Variants in NFYA observed in about 807,000 individuals in gnomAD.
NFYA encodes the protein nuclear transcription factor Y subunit alpha, also known as CAAT-box DNA binding protein subunit A.
Under a neutral mutation model 52.8 loss-of-function variants are expected in NFYA, and 28 were observed. The observed-to-expected ratio is 0.53, with a 90% CI of 0.39 to 0.73. The LOEUF is 0.73. Among genes scored for constraint, NFYA ranks in the 30% least tolerant of loss-of-function variants. The pLI is 0.00. For synonymous variants in NFYA, 150 were observed against 150.7 expected, an observed-to-expected ratio of 1.00 and a Z score of 0.03; for missense variants, 234 against 427.0, an observed-to-expected ratio of 0.55 and a Z score of 3.98.
intron 1 of NFYA, 125 bp from the exon 2 acceptor site, chr6:41,078,904 C>A (rs941492152): frequency 7.5e-6 from 4 of 530,550 alleles, no homozygotes; most frequent in African/African-American, 7.5e-5. Flanking sequence ...TGAATATAAG[C>A]ATTTCCTATT....
rs1764429743 is a variant in NFYA, at chr6:41,098,908, T to C, written c.*1498T>C. ...AACTAAGATGATATTTCAGAAGAGT[T>C]GGCTGCCTTCTCTGGAAACAAGGAA... On this transcript the variant is annotated 3_prime_UTR_variant, in exon 10 of 10. Coordinates refer to ENST00000341376, the MANE Select transcript of NFYA (RefSeq NM_002505.5). 1 of 152,584 alleles carries C rather than the reference T, an allele frequency of 6.6e-6. No homozygotes were observed. Among genetic ancestry groups the C allele is most frequent in the African/African-American group, 2.4e-5 (1 of 41,448 alleles). The allele number at this position is 152,584 out of a possible 1,614,324, so 9.5% of individuals were successfully genotyped here.
intron 2 of NFYA, among the ~76,000 whole-genome samples, chr6:41,080,081 C>T (rs559773595): frequency 1.3e-5 from 2 of 152,232 alleles, no homozygotes; most frequent in South Asian, 2.1e-4. Flanking sequence ...CAGAATTTGC[C>T]ATTAGTGGAT....
Position 41,080,919 on chromosome 6 carries a change from T to G in NFYA, c.162+22T>G. On this transcript the variant is annotated intron_variant, in intron 3 of 9. Transcript: ENST00000341376. ...GGTAGTGGTACCCTCTCTGATTCTC[T>G]GTGAGCACTGCATGAACTTCTCCTC... 1 of 1,585,340 alleles carries G rather than the reference T, an allele frequency of 6.3e-7. No homozygotes were observed. Among genetic ancestry groups the G allele is most frequent in the Non-Finnish European group, 8.7e-7 (1 of 1,154,050 alleles).
chr6:41,095,590 C>T (rs1764327404), intron 9 of NFYA, among the ~76,000 whole-genome samples: 1 of 152,044 alleles, frequency 6.6e-6, no homozygotes, highest in African/African-American at 2.4e-5. Flanking sequence ...ACCACCATGC[C>T]CAGCTAATTT....
chr6:41,081,347 G>A (rs947255841), intron 3 of NFYA, among the ~76,000 whole-genome samples: 13 of 152,072 alleles, frequency 8.5e-5, no homozygotes, highest in Non-Finnish European at 1.5e-4. Context: ...AAAATTAGCC[G>A]GGCATGGTGG....
chr6:41,080,497 GC>G (rs1424292187), intron 2 of NFYA, among the ~76,000 whole-genome samples: 1 of 152,124 alleles, frequency 6.6e-6, no homozygotes, highest in Non-Finnish European at 1.5e-5. Context: ...GATAAAAAGG[GC>G]ATTAAACAAT....
At position 41,100,693 on chromosome 6, in the gene NFYA, CTG is replaced by C. The variant is rs553942305; in HGVS notation, c.*3286_*3287del. On this transcript the variant is annotated 3_prime_UTR_variant, in exon 10 of 10. Transcript: ENST00000341376. ...TTCAGAGATGACCCAAGATTCTACT[CTG>C]TGGTATGAGGGAAAGACCTCTCGAT... 5.1e-4 allele frequency among the ~76,000 whole-genome samples: 77 copies of C among 152,368 alleles called. No individual in the cohort carries two copies. Among genetic ancestry groups the C allele is most frequent in the African/African-American group, 1.7e-3 (70 of 41,594 alleles).
intron 9 of NFYA, among the ~76,000 whole-genome samples, chr6:41,096,040 T>A (rs1318526207): frequency 1.3e-5 from 2 of 152,180 alleles, no homozygotes; most frequent in Non-Finnish European, 2.9e-5. Flanking sequence ...TAATCTCCAG[T>A]CTCCTCTAAT....
chr6:41,095,547 T>C (rs1764325933), intron 9 of NFYA, among the ~76,000 whole-genome samples: 1 of 152,132 alleles, frequency 6.6e-6, no homozygotes, highest in Non-Finnish European at 1.5e-5. Flanking sequence ...CCTCCCACTT[T>C]AGGCTCCCGA....
At chr6:41,082,235 A>T (rs1763930842) in intron 3 of NFYA, among the ~76,000 whole-genome samples, 1 of 152,234 alleles carries the variant, frequency 6.6e-6, no homozygotes, top group Non-Finnish European at 1.5e-5. Context: ...GCCAACTTTG[A>T]ACATAAATTA....
In NFYA at chr6:41,081,406, C is replaced by T. The variant is rs370977825; in HGVS notation, c.162+509C>T. Among the ~76,000 whole-genome samples the T allele has an allele frequency of 3.9e-3, 594 of 151,922 alleles. 11 individuals carry two copies. In the South Asian group the frequency reaches 0.061, roughly 16 times the overall value. ...TTGGGAGGCTGGAGCAGGAGAATGG[C>T]GTGAACCCAGGAGGCAGAGCTTGCA... On this transcript the variant is annotated intron_variant, in intron 3 of 9. Coordinates refer to ENST00000341376, the MANE Select transcript of NFYA (RefSeq NM_002505.5).
At chr6:41,096,111 C>G (rs988689015) in intron 9 of NFYA, among the ~76,000 whole-genome samples, 1 of 152,166 alleles carries the variant, frequency 6.6e-6, no homozygotes, top group Non-Finnish European at 1.5e-5. Flanking sequence ...CTGCCAGTCC[C>G]CAGGTCAAGG....
chr6:41,074,276 G>C (rs1349432107), intron 1 of NFYA, among the ~76,000 whole-genome samples: 1 of 152,168 alleles, frequency 6.6e-6, no homozygotes, highest in Non-Finnish European at 1.5e-5. Context: ...TTTTCCTTAG[G>C]GTGAGAGGTT....
intron 2 of NFYA, 72 bp from the exon 3 acceptor site, chr6:41,080,739 A>C (rs1006817317): frequency 8.8e-6 from 11 of 1,252,728 alleles, no homozygotes; most frequent in Non-Finnish European, 1.3e-5. Context: ...TCCAAGAGGT[A>C]AGGTGATCTG....
intron 9 of NFYA, among the ~76,000 whole-genome samples, 168 bp from the exon 10 acceptor site, chr6:41,097,185 TTTCC>T (rs1266844185): frequency 6.6e-6 from 1 of 152,242 alleles, no homozygotes; most frequent in Non-Finnish European, 1.5e-5. Flanking sequence ...TTGTCTCTTC[TTTCC>T]TAATGGGGCT....
intron 9 of NFYA, 58 bp downstream of exon 9, chr6:41,094,555 A>C (rs1214621806): frequency 1.5e-6 from 2 of 1,372,870 alleles, no homozygotes; most frequent in Non-Finnish European, 2.1e-6. Flanking sequence ...ACTTGAGTTG[A>C]AGCCTTCAGC....
chr6:41,082,838 A>G (rs1016901057), intron 3 of NFYA, among the ~76,000 whole-genome samples: 3 of 152,206 alleles, frequency 2.0e-5, no homozygotes, highest in African/African-American at 4.8e-5. Context: ...TAAAGTCCTT[A>G]AAAAAGTAAA....
chr6:41,097,322 A>G (rs2113827914), intron 9 of NFYA, 35 bp from the exon 10 acceptor site: 1 of 1,610,742 alleles, frequency 6.2e-7, no homozygotes, highest in African/African-American at 1.3e-5. Context: ...TGCTTTTGCA[A>G]AGGACTTTAA....
chr6:41,073,646 C>T (rs1043986505), intron 1 of NFYA, among the ~76,000 whole-genome samples: 1 of 152,016 alleles, frequency 6.6e-6, no homozygotes, highest in Admixed American at 6.5e-5. Flanking sequence ...GGAGGGTGCG[C>T]GCCGCGGCCG....
Sources: gnomAD v4.1 joint callset for allele counts (sites outside exome capture counted in the v4.1 genomes callset) on GRCh38, gnomAD v4.1.1 for gene constraint, MANE v1.5 for transcripts, NCBI Gene and HGNC (gene_info 2026-07-23, HGNC 2026-07-21) for gene names.